Variants in CALHM4 observed in about 807,000 individuals in gnomAD.
CALHM4 encodes calcium homeostasis modulator family member 4, also known as calcium homeostasis modulator protein 4.
Under a neutral mutation model 13.3 loss-of-function variants are expected in CALHM4, and 16 were observed. The observed-to-expected ratio is 1.20, with a 90% CI of 0.81 to 1.82. CALHM4 has a LOEUF of 1.82. CALHM4 is among the 40% of genes most tolerant of loss of function. CALHM4 has a pLI of 0.00. For missense variants in CALHM4, 344 were observed against 374.9 expected, an observed-to-expected ratio of 0.92 and a Z score of 0.68; for synonymous variants, 127 against 137.1, an observed-to-expected ratio of 0.93 and a Z score of 0.52.
Position 116,558,803 on chromosome 6 carries a change from C to T in CALHM4, c.*592C>T, listed in dbSNP as rs1165305174. 6 of 152,220 alleles carry T rather than the reference C, an allele frequency of 3.9e-5. No homozygotes were observed. Among genetic ancestry groups the T allele is most frequent in the Non-Finnish European group, 7.3e-5 (5 of 68,090 alleles). 9.4% of individuals were successfully genotyped at this position (152,220 alleles called of 1,614,324 possible). A position where few individuals can be genotyped will look rare whatever the true frequency, so the allele number is the denominator to read the frequency against. On this transcript the variant is annotated 3_prime_UTR_variant, in exon 2 of 2. Coordinates refer to ENST00000368596, the MANE Select transcript of CALHM4 (RefSeq NM_001366078.2). ...GCAGGACAGAAACCTCTTTCTAATC[C>T]AGTAACATGTGAGGGAGAAGCCCAT...
intron 1 of CALHM4, among the ~76,000 whole-genome samples, chr6:116,533,278 T>C (rs1044129750): frequency 2.6e-5 from 4 of 152,144 alleles, no homozygotes; most frequent in Non-Finnish European, 5.9e-5. Flanking sequence ...TTGAAGAAAT[T>C]TGTAGGAAAA....
intron 1 of CALHM4, chr6:116,540,291 C>G (rs1184761651): frequency 3.5e-6 from 5 of 1,425,350 alleles, no homozygotes; most frequent in Non-Finnish European, 3.8e-6. Flanking sequence ...CCAATCTGAA[C>G]AGAAAACCAC....
At chr6:116,552,391 A>G (rs560180042), upstream of CALHM4, among the ~76,000 whole-genome samples, 145 of 152,326 alleles carry the variant, frequency 9.5e-4, no homozygotes, top group African/African-American at 3.4e-3. Context: ...TTCTTCAGAT[A>G]TAAGAACTTT....
At chr6:116,538,324 T>G (rs1035239289) in intron 1 of CALHM4, among the ~76,000 whole-genome samples, 1 of 152,236 alleles carries the variant, frequency 6.6e-6, no homozygotes, top group South Asian at 2.1e-4. Flanking sequence ...ATTGAGCATA[T>G]TTCAGATAAT....
At chr6:116,548,352 T>C (rs1773902543) in intron 2 of CALHM4, among the ~76,000 whole-genome samples, 1 of 152,190 alleles carries the variant, frequency 6.6e-6, no homozygotes, top group African/African-American at 2.4e-5. Flanking sequence ...TTTATACTAG[T>C]CTGAAGTATT....
Position 116,558,447 on chromosome 6 carries a change from G to C in CALHM4, c.*236G>C, listed in dbSNP as rs1774442950. Reference sequence around the variant, plus strand: ...CCTAGAGTGGAATGTGAAGTCACATGGAAATTTGCATCTTAGTTCTGTTAC... The same window carrying C: ...CCTAGAGTGGAATGTGAAGTCACATCGAAATTTGCATCTTAGTTCTGTTAC... On this transcript the variant is annotated 3_prime_UTR_variant, in exon 2 of 2. Transcript: ENST00000368596. 1 of 453,076 alleles carries C rather than the reference G, an allele frequency of 2.2e-6. No individual in the cohort carries two copies. Among genetic ancestry groups the C allele is most frequent in the African/African-American group, 2.0e-5 (1 of 50,522 alleles). 28.1% of individuals were successfully genotyped at this position (453,076 alleles called of 1,614,324 possible). A position where few individuals can be genotyped will look rare whatever the true frequency, so the allele number is the denominator to read the frequency against.
chr6:116,534,493 T>A (rs1269974916), intron 1 of CALHM4, among the ~76,000 whole-genome samples: 1 of 152,192 alleles, frequency 6.6e-6, no homozygotes, highest in Non-Finnish European at 1.5e-5. Context: ...TTGCTGAAAT[T>A]TTTCTGTGTA....
At chr6:116,532,403 G>A (rs1411893336) in intron 1 of CALHM4, among the ~76,000 whole-genome samples, 2 of 152,104 alleles carry the variant, frequency 1.3e-5, no homozygotes, top group Non-Finnish European at 2.9e-5. Flanking sequence ...CGCCCGGCCG[G>A]TTTTTCTAGT....
At chr6:116,543,320 G>A in intron 1 of CALHM4, 1 of 1,549,134 alleles carries the variant, frequency 6.5e-7, no homozygotes, top group South Asian at 1.2e-5. Context: ...CTAAATATTG[G>A]TTCACATCTT....
chr6:116,552,764 AT>A (rs1417397564), upstream of CALHM4, among the ~76,000 whole-genome samples: 1 of 152,134 alleles, frequency 6.6e-6, no homozygotes, highest in African/African-American at 2.4e-5. Context: ...TTGTTTATAG[AT>A]ATATAACTTT....
intron 1 of CALHM4, among the ~76,000 whole-genome samples, chr6:116,541,355 C>G (rs1220605613): frequency 1.3e-5 from 2 of 152,116 alleles, no homozygotes; most frequent in Non-Finnish European, 2.9e-5. Flanking sequence ...AAACCTCTAT[C>G]AAAATTGGTC....
chr6:116,557,434 T>G (rs1434190431), intron 1 of CALHM4, among the ~76,000 whole-genome samples: 2 of 152,220 alleles, frequency 1.3e-5, no homozygotes, highest in Non-Finnish European at 2.9e-5. Context: ...AAATACTTAT[T>G]AAACACCCAA....
chr6:116,540,494 A>G (rs1307459050), intron 1 of CALHM4: 2 of 1,538,840 alleles, frequency 1.3e-6, no homozygotes, highest in Non-Finnish European at 1.8e-6. Context: ...TGGTCTGAAA[A>G]TTCTAAGAAA....
At chr6:116,555,229 GA>G (rs1320809297) in intron 1 of CALHM4, among the ~76,000 whole-genome samples, 19 of 152,228 alleles carry the variant, frequency 1.2e-4, no homozygotes, top group African/African-American at 4.6e-4. Flanking sequence ...AATACCATTA[GA>G]TATGCTCTGT....
chr6:116,551,870 T>C (rs1285690749), upstream of CALHM4, among the ~76,000 whole-genome samples: 1 of 152,212 alleles, frequency 6.6e-6, no homozygotes, highest in East Asian at 1.9e-4. Flanking sequence ...CTTGCCAACA[T>C]TTGGTATGGC....
At chr6:116,535,311 G>C (rs1198880217) in intron 1 of CALHM4, among the ~76,000 whole-genome samples, 1 of 152,208 alleles carries the variant, frequency 6.6e-6, no homozygotes, top group Admixed American at 6.5e-5. Flanking sequence ...GGATCAGCAG[G>C]ATGTGGACTC....
intron 2 of CALHM4, among the ~76,000 whole-genome samples, chr6:116,547,643 C>A (rs1562359391): frequency 6.6e-6 from 1 of 152,194 alleles, no homozygotes; most frequent in Non-Finnish European, 1.5e-5. Context: ...TCCCCAGACT[C>A]CTTTTTTAAT....
rs1170332978 is a variant in CALHM4 at position 116,560,136 on chromosome 6, C to A, written c.*1925C>A. The stretch of plus-strand genomic sequence containing the variant: ...TCACATCCATTTTGTTCCCTAAGGT[C>A]TGCTCCAGTTCTAAAATTCTGTTCC... On this transcript the variant is annotated 3_prime_UTR_variant, in exon 2 of 2. Coordinates refer to ENST00000368596, the MANE Select transcript of CALHM4 (RefSeq NM_001366078.2). 6.6e-6 allele frequency among the ~76,000 whole-genome samples: 1 copy of A among 152,160 alleles called. No individual in the cohort carries two copies. Among genetic ancestry groups the A allele is most frequent in the Non-Finnish European group, 1.5e-5 (1 of 68,014 alleles).
At chr6:116,546,117 CT>C (rs1229097073) in intron 2 of CALHM4, among the ~76,000 whole-genome samples, 1 of 152,120 alleles carries the variant, frequency 6.6e-6, no homozygotes, top group Non-Finnish European at 1.5e-5. Flanking sequence ...TATCTGGTAA[CT>C]TTTTTGCTTT....
Sources: allele counts gnomAD v4.1 joint callset (sites outside exome capture counted in the v4.1 genomes callset), GRCh38; gene constraint gnomAD v4.1.1; transcripts MANE v1.5; gene names NCBI Gene and HGNC (gene_info 2026-07-23, HGNC 2026-07-21).